The following TUB variants were observed in gnomAD, a reference collection of about 807,000 sequenced individuals.
TUB encodes TUB bipartite transcription factor.
Under a neutral mutation model 59.7 loss-of-function variants are expected in TUB, and 33 were observed. The ratio of observed to expected loss-of-function variants is 0.55; its 90% CI spans 0.42 to 0.74. The LOEUF is 0.74. Among genes scored for constraint, TUB ranks in the 30% least tolerant of loss-of-function variants. TUB has a pLI of 0.00. For synonymous variants in TUB, 293 were observed against 256.4 expected, an observed-to-expected ratio of 1.14 and a Z score of -1.36; for missense variants, 659 against 672.0, an observed-to-expected ratio of 0.98 and a Z score of 0.21.
At chr11:8,031,740 C>A (rs185081205) in intron 1 of TUB, among the ~76,000 whole-genome samples, 98 of 152,318 alleles carry the variant, frequency 6.4e-4, no homozygotes, top group Middle Eastern at 3.4e-3. Context: ...GCCGCACCTG[C>A]GAGGGGACAG....
chr11:8,054,098 G>C (rs1480643629), intron 2 of TUB, among the ~76,000 whole-genome samples: 1 of 152,040 alleles, frequency 6.6e-6, no homozygotes, highest in Admixed American at 6.5e-5. Flanking sequence ...CGGGGCGACA[G>C]AGCGAGACTC....
At chr11:8,101,139 T>C (rs1035170715) in intron 11 of TUB, 142 bp downstream of exon 11, 5 of 1,054,468 alleles carry the variant, frequency 4.7e-6, no homozygotes, top group African/African-American at 1.6e-5. Context: ...TATGGAACTT[T>C]CTAACCCTAA....
At chr11:8,049,578 T>TATATATATAG (rs1055522231) in intron 2 of TUB, among the ~76,000 whole-genome samples, 50 of 85,918 alleles carry the variant, frequency 5.8e-4, no homozygotes, top group Middle Eastern at 7.6e-3. Flanking sequence ...TATATATATA[T>TATATATATAG]ATAGATAGAT....
chr11:8,066,289 C>T (rs1040441313), intron 2 of TUB, among the ~76,000 whole-genome samples: 3 of 152,126 alleles, frequency 2.0e-5, no homozygotes, highest in African/African-American at 7.2e-5. Context: ...CCTGCAGGAG[C>T]GTTACCAGAG....
upstream of TUB, among the ~76,000 whole-genome samples, chr11:8,038,253 C>G (rs1244706078): frequency 6.6e-6 from 1 of 152,182 alleles, no homozygotes; most frequent in Non-Finnish European, 1.5e-5. Context: ...GTCCACAATG[C>G]AGCCTTGGAT....
chr11:8,026,410 CAT>C (rs1942500892), intron 1 of TUB, among the ~76,000 whole-genome samples: 1 of 150,258 alleles, frequency 6.7e-6, no homozygotes, highest in South Asian at 2.1e-4. Context: ...TCTAATTTTA[CAT>C]TTTAAATTTA....
intron 1 of TUB, among the ~76,000 whole-genome samples, chr11:8,023,117 G>A (rs185913469): frequency 8.8e-4 from 134 of 152,250 alleles, no homozygotes; most frequent in Admixed American, 2.0e-3. Flanking sequence ...TTCTCTCCAC[G>A]TGCCTTCTCA....
At chr11:8,078,911 T>C (rs546664292), upstream of TUB, among the ~76,000 whole-genome samples, 44 of 151,430 alleles carry the variant, frequency 2.9e-4, 1 homozygote, top group South Asian at 8.2e-3. Context: ...TCCCACTGGC[T>C]CCCCCACATG....
rs1299502993 is a variant in TUB at position 8,103,233 on chromosome 11, C to T, written c.*1614C>T. On this transcript the variant is annotated 3_prime_UTR_variant, in exon 12 of 12. Coordinates refer to ENST00000299506, the MANE Select transcript of TUB (RefSeq NM_177972.3). ...GCTATTTCTCCTTGGATGGCACCATCCACCCTGCAGGCTTGGGAACTGTAA... is the reference window on the plus strand; with the variant it reads ...GCTATTTCTCCTTGGATGGCACCATTCACCCTGCAGGCTTGGGAACTGTAA... 2 of 152,244 alleles carry T rather than the reference C, an allele frequency of 1.3e-5. No homozygotes were observed. 9.4% of individuals were successfully genotyped at this position (152,244 alleles called of 1,614,324 possible).
At chr11:8,078,194 GCTTCACTCCCCATGCATTC>G (rs754661204), upstream of TUB, among the ~76,000 whole-genome samples, 2 of 152,032 alleles carry the variant, frequency 1.3e-5, no homozygotes, top group Non-Finnish European at 2.9e-5. Flanking sequence ...CTGTTGGGCT[GCTTCACTCCCCATGCATTC>G]CTTCACTCCC....
chr11:8,095,448 C>T (rs1260642955), intron 4 of TUB, 50 bp from the exon 5 acceptor site: 1 of 1,553,048 alleles, frequency 6.4e-7, no homozygotes, highest in Non-Finnish European at 8.7e-7. Flanking sequence ...AGAATCCAGG[C>T]CCTCCTCTCC....
chr11:8,049,602 G>C (rs372053945), intron 2 of TUB, among the ~76,000 whole-genome samples: 5 of 124,620 alleles, frequency 4.0e-5, no homozygotes, highest in African/African-American at 1.5e-4. Flanking sequence ...TAGATAGATA[G>C]ATACACACAC....
At chr11:8,094,525 A>G (rs1195520138) in intron 4 of TUB, among the ~76,000 whole-genome samples, 1 of 152,204 alleles carries the variant, frequency 6.6e-6, no homozygotes, top group East Asian at 1.9e-4. Flanking sequence ...AGCCTGGACT[A>G]GGACACTCAC....
chr11:8,025,796 T>C (rs143917058), intron 1 of TUB, among the ~76,000 whole-genome samples: 1 of 152,356 alleles, frequency 6.6e-6, no homozygotes, highest in Non-Finnish European at 1.5e-5. Flanking sequence ...TGTATGGACG[T>C]ATACTTTTGT....
intron 5 of TUB, among the ~76,000 whole-genome samples, chr11:8,095,967 C>G (rs189607138): frequency 1.3e-5 from 2 of 152,196 alleles, no homozygotes; most frequent in Non-Finnish European, 2.9e-5. Flanking sequence ...TACCAAGAGA[C>G]GGGGTAGATC....
chr11:8,095,752 T>G, intron 5 of TUB, 87 bp downstream of exon 5: 5 of 1,394,932 alleles, frequency 3.6e-6, no homozygotes, highest in Non-Finnish European at 4.9e-6. Context: ...GGCCTTCCTG[T>G]GTCCAAACCC....
In TUB at chr11:8,057,349, TG is replaced by T. The variant is rs201396051; in HGVS notation, c.203+17658del. On this transcript the variant is annotated intron_variant, in intron 2 of 12. Transcript: ENST00000305253. Reference sequence around the variant, plus strand: ...TTATTCTCAAGGCCCAGTAACGAGATGCAGATGAACTGGGAGAGAGGGGAGT... The same window carrying T: ...TTATTCTCAAGGCCCAGTAACGAGATCAGATGAACTGGGAGAGAGGGGAGT... Among the ~76,000 whole-genome samples the T allele has an allele frequency of 4.8e-3, 735 of 152,266 alleles. 4 individuals carry two copies. The highest frequency in any genetic ancestry group is 0.016 in the African/African-American group (682 of 41,538).
At position 8,056,458 on chromosome 11, in the gene TUB, T is replaced by G. The variant is rs113139719; in HGVS notation, c.203+16766T>G. 1.8e-3 allele frequency among the ~76,000 whole-genome samples: 281 copies of G among 152,056 alleles called. 2 individuals are homozygous for G. Among genetic ancestry groups the G allele is most frequent in the African/African-American group, 6.5e-3 (271 of 41,442 alleles). ...CACATGTGTGTGGTGCGCATGCTTG[T>G]GCTGACAGGGGAAGGCAGGGGGACG... On this transcript the variant is annotated intron_variant, in intron 2 of 12. Transcript: ENST00000305253.
chr11:8,040,925 G>A (rs1589927523), intron 2 of TUB, among the ~76,000 whole-genome samples: 1 of 152,314 alleles, frequency 6.6e-6, no homozygotes, highest in South Asian at 2.1e-4. Flanking sequence ...AGGCAAAACA[G>A]GCCTCAGGTT....
Sources: allele counts gnomAD v4.1 joint callset (sites outside exome capture counted in the v4.1 genomes callset), GRCh38; gene constraint gnomAD v4.1.1; transcripts MANE v1.5; gene names NCBI Gene and HGNC (gene_info 2026-07-23, HGNC 2026-07-21).